The following LRBA variants were observed in gnomAD, a reference collection of about 807,000 sequenced individuals.
The protein encoded by LRBA is LPS responsive beige-like anchor protein, also known as lipopolysaccharide-responsive and beige-like anchor protein.
Under a neutral mutation model 330.0 loss-of-function variants are expected in LRBA, and 176 were observed. The observed-to-expected ratio is 0.53, with a 90% CI of 0.47 to 0.60. LRBA has a LOEUF of 0.60. Among genes scored for constraint, LRBA ranks in the 20% least tolerant of loss-of-function variants. The pLI is 0.00. For synonymous variants in LRBA, 1,230 were observed against 1,193.0 expected (o/e 1.03, Z -0.64); for missense variants, 3,259 against 3,444.8 (o/e 0.95, Z 1.35).
At chr4:150,667,927 A>C (rs1421654330) in intron 37 of LRBA, among the ~76,000 whole-genome samples, 4 of 152,206 alleles carry the variant, frequency 2.6e-5, no homozygotes, top group African/African-American at 7.2e-5. Context: ...AGCCCTGCCA[A>C]CCCATTTCAG....
intron 2 of LRBA, among the ~76,000 whole-genome samples, chr4:150,981,390 G>A (rs62344619): frequency 0.11 from 15,583 of 147,268 alleles, 1,182 homozygotes; most frequent in South Asian, 0.28. Flanking sequence ...TCCAGCCTCG[G>A]CGACGGAGTG....
chr4:151,007,642 G>A (rs539501604), intron 2 of LRBA, among the ~76,000 whole-genome samples: 43 of 152,006 alleles, frequency 2.8e-4, no homozygotes, highest in African/African-American at 1.0e-3. Flanking sequence ...CGGATCACGA[G>A]GTCAGGAGAT....
intron 36 of LRBA, among the ~76,000 whole-genome samples, chr4:150,725,515 A>G (rs1729551581): frequency 6.6e-6 from 1 of 152,208 alleles, no homozygotes; most frequent in Non-Finnish European, 1.5e-5. Flanking sequence ...AAGGAGATAA[A>G]AAGACTTTCC....
intron 2 of LRBA, among the ~76,000 whole-genome samples, chr4:151,010,671 C>T (rs531788905): frequency 2.8e-4 from 42 of 151,888 alleles, no homozygotes; most frequent in Admixed American, 2.0e-3. Context: ...CACCTGAGGT[C>T]GGGAGTTCAA....
At chr4:150,272,727 C>T (rs1444295110) in intron 56 of LRBA, among the ~76,000 whole-genome samples, 2 of 151,482 alleles carry the variant, frequency 1.3e-5, no homozygotes, top group Non-Finnish European at 2.9e-5. Context: ...GATTGAAGAT[C>T]AACTTAATGA....
At chr4:150,855,971 G>A (rs1751176426) in intron 22 of LRBA, among the ~76,000 whole-genome samples, 1 of 152,150 alleles carries the variant, frequency 6.6e-6, no homozygotes, top group Admixed American at 6.5e-5. Flanking sequence ...AAGTCTTATA[G>A]GCAAGTCATT....
At chr4:150,279,361 A>AAGAT (rs746032065) in intron 55 of LRBA, among the ~76,000 whole-genome samples, 2 of 152,178 alleles carry the variant, frequency 1.3e-5, no homozygotes, top group African/African-American at 4.8e-5. Flanking sequence ...TTAGCTTATT[A>AAGAT]AGATACAAAT....
At chr4:150,828,036 C>G in intron 30 of LRBA, 144 bp downstream of exon 30, 1 of 650,052 alleles carries the variant, frequency 1.5e-6, no homozygotes, top group Admixed American at 2.9e-5. Flanking sequence ...TTCTGATCAA[C>G]ATAAGCTATT....
At position 150,583,924 on chromosome 4, in the gene LRBA, C is replaced by A; in HGVS notation, c.6330+4124G>T. The A allele has an allele frequency of 1.2e-6, 2 of 1,612,300 alleles. No homozygotes were observed. The highest frequency in any genetic ancestry group is 1.7e-6 in the Non-Finnish European group (2 of 1,179,132). ...CTGGGACGAGTCGTGCCTGGGCGAC[C>A]GGCTCAACGGCATCCTGCTGCAGCT... On this transcript the variant is annotated intron_variant, in intron 40 of 56. Coordinates refer to ENST00000651943, the MANE Select transcript of LRBA (RefSeq NM_001364905.1). The surrounding 1 kb of genome is among the most constrained non-coding windows in gnomAD (Gnocchi z 9.8).
At chr4:150,584,207 T>C in intron 40 of LRBA, 1 of 1,336,192 alleles carries the variant, frequency 7.5e-7, no homozygotes, top group Non-Finnish European at 9.8e-7. Context: ...CAAACTTTTA[T>C]GTAAGTCACC....
intron 48 of LRBA, among the ~76,000 whole-genome samples, chr4:150,335,498 T>C (rs1029017729): frequency 8.2e-5 from 12 of 146,928 alleles, no homozygotes; most frequent in African/African-American, 2.8e-4. Flanking sequence ...TGTGTATATA[T>C]ATATACACAC....
chr4:150,314,929 T>G (rs1731524848), intron 51 of LRBA: 1 of 152,124 alleles, frequency 6.6e-6, no homozygotes, highest in Admixed American at 6.6e-5. Context: ...AAATTTAACC[T>G]CCAATGGCAA....
chr4:150,264,472 A>AATGATG lies in LRBA; in HGVS notation c.*1244_*1249dup, dbSNP rs10634981. On this transcript the variant is annotated 3_prime_UTR_variant, in exon 57 of 57. Coordinates refer to ENST00000651943, the MANE Select transcript of LRBA (RefSeq NM_001364905.1). ...TTTCTTTGTGAATCATTATTTTATTAATGATGTTTAAAATTTAGGAGCAAA... is the reference window on the plus strand; with the variant it reads ...TTTCTTTGTGAATCATTATTTTATTAATGATGATGATGTTTAAAATTTAGGAGCAAA... The AATGATG allele has an allele frequency of 4.0e-5, 6 of 151,706 alleles. No individual in the cohort carries two copies. Among genetic ancestry groups the AATGATG allele is most frequent in the Non-Finnish European group, 8.8e-5 (6 of 67,902 alleles). 9.4% of individuals were successfully genotyped at this position (151,706 alleles called of 1,614,324 possible).
At chr4:150,307,908 G>A (rs1256102628) in intron 52 of LRBA, among the ~76,000 whole-genome samples, 1 of 152,070 alleles carries the variant, frequency 6.6e-6, no homozygotes, top group African/African-American at 2.4e-5. Context: ...GAATAAAGAT[G>A]CAAACTATAA....
intron 38 of LRBA, among the ~76,000 whole-genome samples, 157 bp downstream of exon 38, chr4:150,598,850 T>C (rs988704344): frequency 1.1e-4 from 16 of 152,208 alleles, no homozygotes; most frequent in African/African-American, 3.9e-4. Flanking sequence ...TAGGACTCTA[T>C]AGTAACTATA....
Position 150,852,522 on chromosome 4 carries a change from T to G in LRBA, c.3188A>C (p.Asn1063Thr). The change falls in exon 23 of 57, where the codon AAT (asparagine) becomes ACT (threonine). Residue 1063 changes from asparagine to threonine, a missense_variant. By Grantham distance (65) the Asn-to-Thr change is moderately conservative. Transcript: ENST00000651943. ...DIIEAVAISS[N>T]SFITTGKDSM... ...ATCTTTGCCAGTTGTTATAAAAGAATTAGAGGAAATAGCCACAGCTTCTAT... is the reference window on the plus strand; with the variant it reads ...ATCTTTGCCAGTTGTTATAAAAGAAGTAGAGGAAATAGCCACAGCTTCTAT... The G allele has an allele frequency of 6.2e-7, 1 of 1,613,802 alleles. No homozygotes were observed. The highest frequency in any genetic ancestry group is 8.5e-7 in the Non-Finnish European group (1 of 1,179,946).
intron 32 of LRBA, 29 bp downstream of exon 32, chr4:150,808,290 TC>T (rs757309025): frequency 7.0e-7 from 1 of 1,426,434 alleles, no homozygotes; most frequent in African/African-American, 1.4e-5. Context: ...AAGGTATAAA[TC>T]ACAATATTCA....
At chr4:150,502,812 G>A (rs542021278) in intron 40 of LRBA, among the ~76,000 whole-genome samples, 1 of 152,202 alleles carries the variant, frequency 6.6e-6, no homozygotes, top group Non-Finnish European at 1.5e-5. Context: ...GTCAAAGAAA[G>A]GGGTGACAGA....
At chr4:150,619,645 A>G (rs992663779) in intron 37 of LRBA, among the ~76,000 whole-genome samples, 7 of 152,172 alleles carry the variant, frequency 4.6e-5, no homozygotes, top group African/African-American at 1.4e-4. Context: ...GATTATAAGT[A>G]GGCTGTAATT....
Sources: gnomAD v4.1 joint callset for allele counts (sites outside exome capture counted in the v4.1 genomes callset) on GRCh38, gnomAD v4.1.1 for gene constraint, Gnocchi (gnomAD v3.1) non-coding constraint, MANE v1.5 for transcripts, NCBI Gene and HGNC (gene_info 2026-07-23, HGNC 2026-07-21) for gene names.